The following BEND3 variants were observed in gnomAD, a reference collection of about 807,000 sequenced individuals.
BEND3 encodes the protein BEN domain-containing protein 3.
BEND3 carries 13 observed loss-of-function variants against 60.1 expected under a neutral mutation model. That is an observed-to-expected ratio of 0.22 (90% CI 0.14 to 0.34). The LOEUF (loss-of-function observed/expected upper bound fraction) is 0.34. BEND3 is among the 10% of genes least tolerant of loss of function. The probability of loss-of-function intolerance (pLI) is 1.00; values close to 1 mark genes in which losing one functional copy is unlikely to be tolerated. For missense variants in BEND3, 896 were observed against 1,138.1 expected (o/e 0.79, Z 3.06); for synonymous variants, 497 against 491.5 (o/e 1.01, Z -0.15).
intron 1 of BEND3, among the ~76,000 whole-genome samples, chr6:107,106,976 G>T (rs372885377): frequency 7.1e-6 from 1 of 140,952 alleles, no homozygotes; most frequent in South Asian, 2.2e-4. Flanking sequence ...TCGCTCTGTC[G>T]CCCAGACTGG....
intron 3 of BEND3, among the ~76,000 whole-genome samples, chr6:107,089,188 C>T (rs1775419145): frequency 6.6e-6 from 1 of 151,718 alleles, no homozygotes; most frequent in African/African-American, 2.4e-5. Flanking sequence ...TTAAAACATT[C>T]ATGTGAGAAA....
rs1268311364 is a variant in BEND3 at position 107,067,405 on chromosome 6, C to T, written c.*1299G>A. 6.6e-6 allele frequency: 1 copy of T among 152,194 alleles called. No homozygotes were observed. Among genetic ancestry groups the T allele is most frequent in the Non-Finnish European group, 1.5e-5 (1 of 68,046 alleles). The allele number at this position is 152,194 out of a possible 1,614,324, so 9.4% of individuals were successfully genotyped here. On this transcript the variant is annotated 3_prime_UTR_variant, in exon 4 of 4. Transcript: ENST00000369042. ...GGACTTTACCTGTCAGGGGATTTCC[C>T]AGTTGGTGCTCCTGGAGAGCATGCA...
chr6:107,115,015 C>T (rs1554239086), intron 1 of BEND3, 75 bp downstream of exon 1: 2 of 148,534 alleles, frequency 1.3e-5, no homozygotes, highest in South Asian at 2.1e-4. Context: ...GTTGCAGCCA[C>T]TCTACCGGCC....
At chr6:107,110,371 G>C (rs1448792070) in intron 1 of BEND3, among the ~76,000 whole-genome samples, 1 of 152,210 alleles carries the variant, frequency 6.6e-6, no homozygotes, top group African/African-American at 2.4e-5. Context: ...TGACATGTGT[G>C]GGGAACTTGT....
chr6:107,107,953 C>G (rs1329906662), intron 1 of BEND3, among the ~76,000 whole-genome samples: 2 of 152,208 alleles, frequency 1.3e-5, no homozygotes, highest in African/African-American at 4.8e-5. Flanking sequence ...TGCCGCGGGT[C>G]TCTGGGTTCA....
chr6:107,112,685 C>T (rs1770136861), intron 1 of BEND3, among the ~76,000 whole-genome samples: 1 of 151,990 alleles, frequency 6.6e-6, no homozygotes, highest in South Asian at 2.1e-4. Context: ...GAAATCCCCT[C>T]TCTACTAAAA....
intron 1 of BEND3, among the ~76,000 whole-genome samples, chr6:107,100,165 A>G (rs1775675464): frequency 6.6e-6 from 1 of 152,130 alleles, no homozygotes; most frequent in Non-Finnish European, 1.5e-5. Context: ...CACAGTGCCC[A>G]GTCCTAATAA....
intron 1 of BEND3, among the ~76,000 whole-genome samples, chr6:107,113,131 C>T (rs2115043977): frequency 6.6e-6 from 1 of 150,806 alleles, no homozygotes; most frequent in East Asian, 1.9e-4. Flanking sequence ...GCACTACAGC[C>T]TGGTGATAGA....
chr6:107,073,290 A>G lies in BEND3; in HGVS notation c.241-2340T>C, dbSNP rs1387628139. ...GTATGTGAGCAAATGGTCAGTGGCA[A>G]CTGGCCCTTGTGGACCCCACTCCCC... On this transcript the variant is annotated intron_variant, in intron 3 of 3. Coordinates refer to ENST00000369042, the MANE Select transcript of BEND3 (RefSeq NM_001367314.1). 2.3e-5 allele frequency among the ~76,000 whole-genome samples: 3 copies of G among 129,724 alleles called. No individual in the cohort carries two copies. The East Asian group carries it at 7.5e-4, about 32-fold the overall frequency. The allele number at this position is 129,724 out of a possible 152,430, so 85.1% of individuals were successfully genotyped here.
rs76102117 is a variant in BEND3 at position 107,088,284 on chromosome 6, C to T, written c.240+10267G>A. On this transcript the variant is annotated intron_variant, in intron 3 of 3. Coordinates refer to ENST00000369042, the MANE Select transcript of BEND3 (RefSeq NM_001367314.1). ...AGATACCTCAAAAACAGAAAAGCAA[C>T]AAGAAAAAGGAATGGAAAATTTGAA... Among the ~76,000 whole-genome samples, 1,022 of 151,718 alleles carry T rather than the reference C, an allele frequency of 6.7e-3. 13 individuals are homozygous for T. Among genetic ancestry groups the T allele is most frequent in the African/African-American group, 0.024 (980 of 41,368 alleles).
chr6:107,080,354 C>CAA (rs11402351), intron 3 of BEND3, among the ~76,000 whole-genome samples: 2,031 of 82,718 alleles, frequency 0.025, 114 homozygotes, highest in African/African-American at 0.055. Flanking sequence ...GATCCCATCT[C>CAA]AAAAAAAAAA....
rs781947092 is a variant in BEND3, at chr6:107,069,107, C to T, written c.2084G>A (p.Ser695Asn). 5 of 1,612,980 alleles carry T rather than the reference C, an allele frequency of 3.1e-6. No homozygotes were observed. The highest frequency in any genetic ancestry group is 4.2e-6 in the Non-Finnish European group (5 of 1,179,972). The change falls in exon 4 of 4, where the codon AGC becomes AAC. Residue 695 changes from serine to asparagine, a missense_variant. Physicochemically the swap from Ser to Asn is conservative, Grantham distance 46 (BLOSUM62 1). Around this residue, in one of 4 missense-constraint regions of BEND3, gnomAD observed 846 missense variants for 1,036.7 expected, o/e 0.82. Coordinates refer to ENST00000369042, the MANE Select transcript of BEND3 (RefSeq NM_001367314.1). Reference sequence around the variant, plus strand: ...CAAGGGGATCTTGCAAAAGTCCTTGCTGCTCCTCTCGGGGGGCAGTGGGGG... The same window carrying T: ...CAAGGGGATCTTGCAAAAGTCCTTGTTGCTCCTCTCGGGGGGCAGTGGGGG... The part of the protein sequence containing the change: ...EGPPLPPERS[S>N]KDFCKIPLDE...
At chr6:107,106,043 G>C (rs1466728545) in intron 1 of BEND3, 8 of 152,186 alleles carry the variant, frequency 5.3e-5, no homozygotes, top group African/African-American at 1.9e-4. Context: ...CAAACTCAAG[G>C]ATTTTAAAAA....
intron 1 of BEND3, among the ~76,000 whole-genome samples, chr6:107,110,532 C>T (rs996694135): frequency 7.2e-5 from 11 of 152,102 alleles, no homozygotes; most frequent in Non-Finnish European, 1.2e-4. Flanking sequence ...CCAAAAAAAT[C>T]AGTTTTTAGC....
chr6:107,074,563 C>T (rs1410114625), intron 3 of BEND3, among the ~76,000 whole-genome samples: 1 of 152,182 alleles, frequency 6.6e-6, no homozygotes, highest in Non-Finnish European at 1.5e-5. Flanking sequence ...GACTTTCCCA[C>T]AGTGCCTCAG....
intron 3 of BEND3, among the ~76,000 whole-genome samples, chr6:107,087,704 T>A (rs1338570069): frequency 1.3e-5 from 2 of 149,200 alleles, no homozygotes; most frequent in Admixed American, 1.3e-4. Flanking sequence ...GCCACTGCAC[T>A]CCAGCCTGGG....
At position 107,069,874 on chromosome 6, in the gene BEND3, TC is replaced by T; in HGVS notation, c.1316del (p.Gly439GlufsTer101). On this transcript the variant is annotated frameshift_variant, in exon 4 of 4. Transcript: ENST00000369042. LOFTEE classifies it high-confidence loss of function. ...GEQYSCYGDG[G>X]KQELDPQRLQ... ...GCCGCTGCGGGTCCAGCTCCTGCTT[TC>T]CACCGTCCCCGTAGCAGCTGTACTG... 6.2e-7 allele frequency: 1 copy of T among 1,613,738 alleles called. No individual in the cohort carries two copies. Among genetic ancestry groups the T allele is most frequent in the Non-Finnish European group, 8.5e-7 (1 of 1,179,976 alleles).
At chr6:107,086,076 C>T (rs782391961) in intron 3 of BEND3, among the ~76,000 whole-genome samples, 8 of 152,144 alleles carry the variant, frequency 5.3e-5, no homozygotes, top group East Asian at 3.9e-4. Context: ...CATGAGCCAC[C>T]GCGCCTGGCC....
intron 1 of BEND3, among the ~76,000 whole-genome samples, chr6:107,105,336 A>G (rs1554237261): frequency 1.3e-5 from 2 of 149,618 alleles, no homozygotes. Flanking sequence ...GCGCCACTGC[A>G]CTCCAGTCTG....
Sources: gnomAD v4.1 joint callset for allele counts (sites outside exome capture counted in the v4.1 genomes callset) on GRCh38, gnomAD v4.1.1 for gene constraint, gnomAD v4.1.1 regional missense constraint, MANE v1.5 for transcripts, NCBI Gene and HGNC (gene_info 2026-07-23, HGNC 2026-07-21) for gene names.